NTM: variants seen among roughly 807,000 people sequenced by gnomAD.
The protein encoded by NTM is IgLON family member 2.
In NTM, 13 loss-of-function variants were observed where a neutral mutation model predicts 42.1. The observed-to-expected ratio is 0.31, with a 90% CI of 0.20 to 0.49. NTM has a LOEUF of 0.49. NTM is among the 20% of genes least tolerant of loss of function. The pLI is 0.99. For synonymous variants in NTM, 187 were observed against 179.2 expected (o/e 1.04, Z -0.35); for missense variants, 373 against 452.8 (o/e 0.82, Z 1.60).
chr11:131,987,805 C>A (rs2066330478), intron 2 of NTM, among the ~76,000 whole-genome samples: 1 of 152,176 alleles, frequency 6.6e-6, no homozygotes. Flanking sequence ...TTTGAACAGT[C>A]AGCCACTCAG....
chr11:132,029,032 C>T (rs1197209996), intron 2 of NTM, among the ~76,000 whole-genome samples: 1 of 149,296 alleles, frequency 6.7e-6, no homozygotes, highest in East Asian at 2.0e-4. Flanking sequence ...TACTGGCTCC[C>T]GTAGAGGGTT....
intron 1 of NTM, chr11:131,660,815 A>G: frequency 8.4e-7 from 1 of 1,188,794 alleles, no homozygotes; most frequent in Non-Finnish European, 1.1e-6. Flanking sequence ...GAAAGGTAGG[A>G]TGAAAAAATA....
intron 1 of NTM, among the ~76,000 whole-genome samples, chr11:131,456,096 T>C (rs1950864828): frequency 6.6e-6 from 1 of 152,212 alleles, no homozygotes; most frequent in African/African-American, 2.4e-5. Context: ...AGCAGTAGGA[T>C]ATAAATAACT....
intron 2 of NTM, among the ~76,000 whole-genome samples, chr11:131,912,048 T>A (rs1320151016): frequency 6.6e-6 from 1 of 152,046 alleles, no homozygotes; most frequent in Admixed American, 6.5e-5. Flanking sequence ...AAAGGAGGGG[T>A]CTGGCTTGGA....
rs1565582195 is a variant in NTM, at chr11:131,510,453, G to A, written c.82+139565G>A. Among the ~76,000 whole-genome samples the A allele has an allele frequency of 2.6e-5, 4 of 152,248 alleles. No individual in the cohort carries two copies. In the East Asian group the frequency reaches 7.7e-4, roughly 29 times the overall value. On this transcript the variant is annotated intron_variant, in intron 1 of 8. Transcript: ENST00000683400. The stretch of plus-strand genomic sequence containing the variant: ...ACCAACTGCCCTTTCATGTTTCCTA[G>A]CCATCCAAAGGACGGTGCTTGGAGC...
chr11:131,418,889 A>G (rs1016706552), intron 1 of NTM, among the ~76,000 whole-genome samples: 5 of 152,182 alleles, frequency 3.3e-5, no homozygotes, highest in Non-Finnish European at 7.3e-5. Context: ...TCTCCTATGC[A>G]TTAAAATCAG....
rs547550382 is a variant in NTM at position 131,692,923 on chromosome 11, G to A, written c.83-218641G>A. On this transcript the variant is annotated intron_variant, in intron 1 of 8. Coordinates refer to ENST00000683400, the MANE Select transcript of NTM (RefSeq NM_001352005.2). ...TGTCAGATGCTTCAGCCAAGAAATC[G>A]CACGGCAGGTCATTAAATGAATTTA... 3.9e-5 allele frequency among the ~76,000 whole-genome samples: 6 copies of A among 152,208 alleles called. No individual in the cohort carries two copies. The South Asian group carries it at 1.0e-3, about 26-fold the overall frequency.
At chr11:131,620,171 C>A (rs1430215265) in intron 1 of NTM, among the ~76,000 whole-genome samples, 3 of 152,178 alleles carry the variant, frequency 2.0e-5, no homozygotes, top group Non-Finnish European at 4.4e-5. Flanking sequence ...AGACTATATC[C>A]AAGAGGGCAA....
intron 1 of NTM, among the ~76,000 whole-genome samples, chr11:131,809,161 T>G (rs1414002808): frequency 2.0e-5 from 3 of 152,242 alleles, no homozygotes; most frequent in African/African-American, 7.2e-5. Flanking sequence ...GGTTTGGTGA[T>G]AGATGCTCAA....
chr11:131,489,131 T>G (rs541014292), intron 1 of NTM, among the ~76,000 whole-genome samples: 17 of 152,268 alleles, frequency 1.1e-4, no homozygotes, highest in South Asian at 6.2e-4. Flanking sequence ...GTTCCAAACA[T>G]TATCTCTTCT....
chr11:132,301,100 G>C (rs2094831762), intron 4 of NTM, among the ~76,000 whole-genome samples: 1 of 152,196 alleles, frequency 6.6e-6, no homozygotes. Context: ...ATAAAGAAAA[G>C]AGGTTTAATC....
chr11:131,416,510 T>A (rs1001441785), intron 1 of NTM, among the ~76,000 whole-genome samples: 30 of 152,354 alleles, frequency 2.0e-4, no homozygotes, highest in Non-Finnish European at 3.8e-4. Context: ...CATTGGCTGA[T>A]GACTTCTTAT....
At chr11:132,303,274 C>G (rs1457687898) in intron 4 of NTM, among the ~76,000 whole-genome samples, 2 of 152,192 alleles carry the variant, frequency 1.3e-5, no homozygotes, top group Non-Finnish European at 2.9e-5. Flanking sequence ...AAGTCAAAAT[C>G]AAGTGATTGG....
chr11:132,212,277 C>G (rs1369630446), intron 4 of NTM, 130 bp downstream of exon 4: 2 of 688,904 alleles, frequency 2.9e-6, no homozygotes, highest in African/African-American at 1.8e-5. Context: ...TGGTAATCTA[C>G]TCATGGCTCT....
intron 3 of NTM, among the ~76,000 whole-genome samples, chr11:132,160,869 G>C (rs1258163374): frequency 6.6e-6 from 1 of 152,192 alleles, no homozygotes; most frequent in East Asian, 1.9e-4. Context: ...TCCCCCGCAG[G>C]CAGTGAGAGA....
chr11:132,033,052 T>G (rs1344403685), intron 2 of NTM, among the ~76,000 whole-genome samples: 1 of 152,226 alleles, frequency 6.6e-6, no homozygotes, highest in African/African-American at 2.4e-5. Flanking sequence ...ATGCCTGGTC[T>G]TCTAAACCTC....
intron 1 of NTM, among the ~76,000 whole-genome samples, chr11:131,372,226 G>T (rs112626384): frequency 2.6e-5 from 4 of 152,164 alleles, no homozygotes; most frequent in African/African-American, 9.7e-5. Flanking sequence ...GAAGGCAAGG[G>T]GTGGGGACAG....
At chr11:132,254,074 T>C (rs1368766009) in intron 4 of NTM, among the ~76,000 whole-genome samples, 1 of 152,176 alleles carries the variant, frequency 6.6e-6, no homozygotes, top group Admixed American at 6.5e-5. Flanking sequence ...TCCTCTCACC[T>C]GGTGTTGTTT....
At chr11:131,957,694 A>G (rs1335673742) in intron 2 of NTM, among the ~76,000 whole-genome samples, 2 of 152,114 alleles carry the variant, frequency 1.3e-5, no homozygotes, top group Admixed American at 1.3e-4. Flanking sequence ...CTGTTTTTAT[A>G]TCTCCCCCTC....
Sources: allele counts gnomAD v4.1 joint callset (sites outside exome capture counted in the v4.1 genomes callset), GRCh38; gene constraint gnomAD v4.1.1; transcripts MANE v1.5; gene names NCBI Gene and HGNC (gene_info 2026-07-23, HGNC 2026-07-21).